The following ATXN1 variants were observed in gnomAD, a reference collection of about 807,000 sequenced individuals.
The protein encoded by ATXN1 is ataxin-1.
Under a neutral mutation model 56.4 loss-of-function variants are expected in ATXN1, and 8 were observed. That is an observed-to-expected ratio of 0.14 (90% CI 0.08 to 0.26). The LOEUF (loss-of-function observed/expected upper bound fraction) is 0.26. Among genes scored for constraint, ATXN1 ranks in the 10% least tolerant of loss-of-function variants. The pLI is 1.00. For synonymous variants in ATXN1, 514 were observed against 494.6 expected (o/e 1.04, Z -0.52); for missense variants, 987 against 1,106.5 (o/e 0.89, Z 1.53).
intron 2 of ATXN1, among the ~76,000 whole-genome samples, chr6:16,728,377 G>A (rs993411363): frequency 6.6e-6 from 1 of 152,028 alleles, no homozygotes; most frequent in Non-Finnish European, 1.5e-5. Flanking sequence ...GCAGAATGAG[G>A]ACAGGTAAAG....
At chr6:16,568,012 G>T (rs894795297) in intron 4 of ATXN1, among the ~76,000 whole-genome samples, 1 of 152,090 alleles carries the variant, frequency 6.6e-6, no homozygotes, top group Non-Finnish European at 1.5e-5. Flanking sequence ...AAACGTCAGA[G>T]CTCTTTTAAC....
At chr6:16,319,155 C>A (rs1760587285) in intron 7 of ATXN1, among the ~76,000 whole-genome samples, 1 of 151,610 alleles carries the variant, frequency 6.6e-6, no homozygotes, top group African/African-American at 2.4e-5. Flanking sequence ...GAGGTCAAAG[C>A]TGCAGTGAGC....
intron 4 of ATXN1, among the ~76,000 whole-genome samples, chr6:16,571,648 C>T (rs1386782582): frequency 6.6e-6 from 1 of 151,590 alleles, no homozygotes; most frequent in Non-Finnish European, 1.5e-5. Flanking sequence ...CACAACATTA[C>T]ACTCAGCTAA....
intron 5 of ATXN1, among the ~76,000 whole-genome samples, chr6:16,502,540 T>A (rs948619651): frequency 6.6e-6 from 1 of 152,214 alleles, no homozygotes; most frequent in African/African-American, 2.4e-5. Flanking sequence ...ATTCTGGCTA[T>A]AGACCGTAAA....
chr6:16,509,277 C>G (rs1368549696), intron 5 of ATXN1, among the ~76,000 whole-genome samples: 2 of 152,216 alleles, frequency 1.3e-5, no homozygotes, highest in African/African-American at 4.8e-5. Context: ...CTGTCATTTT[C>G]TATCCTGTCA....
At position 16,495,870 on chromosome 6, in the gene ATXN1, CAA is replaced by C. The variant is rs35083248; in HGVS notation, c.-298-9763_-298-9762del. ...AGAGTGAGACTCTCTCTCTCTCTCT[CAA>C]AAAAAAAAAAAAAGTTATTATTGGT... is the stretch of plus-strand genomic sequence containing the variant. On this transcript the variant is annotated intron_variant, in intron 5 of 7. Transcript: ENST00000436367. 3.9e-3 allele frequency among the ~76,000 whole-genome samples: 415 copies of C among 106,748 alleles called. 1 individual carries two copies. The highest frequency in any genetic ancestry group is 0.014 in the African/African-American group (386 of 27,674). 70.0% of individuals were successfully genotyped at this position (106,748 alleles called of 152,430 possible).
chr6:16,619,882 G>GA (rs763484508), intron 3 of ATXN1, among the ~76,000 whole-genome samples: 86 of 131,308 alleles, frequency 6.5e-4, no homozygotes, highest in African/African-American at 1.1e-3. Flanking sequence ...GTCTCTAAGG[G>GA]AAAAAAAAAA....
At chr6:16,555,533 C>A (rs1229630249) in intron 4 of ATXN1, among the ~76,000 whole-genome samples, 1 of 152,162 alleles carries the variant, frequency 6.6e-6, no homozygotes, top group East Asian at 1.9e-4. Flanking sequence ...CCACCCAGAG[C>A]CCAGTGGTTC....
chr6:16,325,505 C>G (rs1289381569), intron 7 of ATXN1, among the ~76,000 whole-genome samples: 3 of 152,086 alleles, frequency 2.0e-5, no homozygotes, highest in Non-Finnish European at 2.9e-5. Context: ...ATTATCCACT[C>G]TAACCAATCC....
At chr6:16,525,997 C>T (rs1030129212) in intron 4 of ATXN1, among the ~76,000 whole-genome samples, 6 of 143,376 alleles carry the variant, frequency 4.2e-5, no homozygotes, top group Non-Finnish European at 9.0e-5. Flanking sequence ...TCTCCTATGC[C>T]CAAGTATACA....
At chr6:16,383,683 G>A (rs576900619) in intron 6 of ATXN1, among the ~76,000 whole-genome samples, 7 of 152,244 alleles carry the variant, frequency 4.6e-5, no homozygotes, top group South Asian at 2.1e-4. Flanking sequence ...GGACAAAAAC[G>A]GGTAAGACAG....
chr6:16,438,503 T>C lies in ATXN1; in HGVS notation c.-161+47469A>G, dbSNP rs140704104. On this transcript the variant is annotated intron_variant, in intron 6 of 7. Transcript: ENST00000436367. The stretch of plus-strand genomic sequence containing the variant: ...GCTGTCAAGAGAAAGGTAAAGGTGA[T>C]GTTCAATCCATCTCCCTTGTAGACA... Among the ~76,000 whole-genome samples, 811 of 152,342 alleles carry C rather than the reference T, an allele frequency of 5.3e-3. 4 individuals carry two copies. Among genetic ancestry groups the C allele is most frequent in the African/African-American group, 0.018 (761 of 41,574 alleles).
chr6:16,756,713 G>A (rs16879071), intron 1 of ATXN1, among the ~76,000 whole-genome samples: 5,214 of 152,170 alleles, frequency 0.034, 124 homozygotes, highest in East Asian at 0.11. Flanking sequence ...TCACTTTACC[G>A]ATGCAAGTAT....
chr6:16,761,164 T>G (rs1295045414), intron 1 of ATXN1, 134 bp downstream of exon 1: 3 of 364,618 alleles, frequency 8.2e-6, no homozygotes, highest in Non-Finnish European at 1.6e-5. Context: ...ATTGGGGTTT[T>G]GGGTTTGTTT....
intron 1 of ATXN1, among the ~76,000 whole-genome samples, chr6:16,756,812 G>A (rs745465111): frequency 9.9e-5 from 15 of 152,106 alleles, no homozygotes; most frequent in Admixed American, 7.9e-4. Flanking sequence ...ACCTACTTAC[G>A]TGAGTTTCAG....
intron 2 of ATXN1, among the ~76,000 whole-genome samples, chr6:16,736,059 C>A (rs1210500113): frequency 6.6e-6 from 1 of 152,160 alleles, no homozygotes; most frequent in Non-Finnish European, 1.5e-5. Flanking sequence ...TTACAAACTG[C>A]CTAAATACTC....
intron 6 of ATXN1, among the ~76,000 whole-genome samples, chr6:16,360,925 T>C (rs970079037): frequency 2.0e-5 from 3 of 152,204 alleles, no homozygotes; most frequent in Admixed American, 1.3e-4. Flanking sequence ...TTGTAAGGAA[T>C]AACACAAGGT....
chr6:16,388,468 A>G (rs1056007717), intron 6 of ATXN1, among the ~76,000 whole-genome samples: 1 of 152,230 alleles, frequency 6.6e-6, no homozygotes, highest in Non-Finnish European at 1.5e-5. Flanking sequence ...AGACCCGGGA[A>G]GACCACAGGC....
Position 16,659,043 on chromosome 6 carries a change from G to A in ATXN1, c.-614-1142C>T, listed in dbSNP as rs139348538. The stretch of plus-strand genomic sequence containing the variant: ...GAATAGTCAACCTTTTTTTCGGGAC[G>A]TTTGAGGAGTTGTGTCTATCTGTGG... On this transcript the variant is annotated intron_variant, in intron 2 of 7. Transcript: ENST00000436367. Among the ~76,000 whole-genome samples the A allele has an allele frequency of 6.8e-4, 104 of 152,200 alleles. No individual in the cohort carries two copies. In the East Asian group the frequency reaches 0.016, roughly 23 times the overall value.
Sources: allele counts gnomAD v4.1 joint callset (sites outside exome capture counted in the v4.1 genomes callset), GRCh38; gene constraint gnomAD v4.1.1; transcripts MANE v1.5; gene names NCBI Gene and HGNC (gene_info 2026-07-23, HGNC 2026-07-21).